Variants in JAK1 observed in about 807,000 individuals in gnomAD.
JAK1 encodes the protein Janus kinase 1.
A neutral mutation model predicts 136.6 loss-of-function variants in JAK1; 16 were observed. That is an observed-to-expected ratio of 0.12 (90% CI 0.08 to 0.18). The LOEUF (loss-of-function observed/expected upper bound fraction) is 0.18. Among genes scored for constraint, JAK1 ranks in the 10% least tolerant of loss-of-function variants. The pLI, the probability that JAK1 is intolerant of heterozygous loss-of-function variation, is 1.00. For missense variants in JAK1, 859 were observed against 1,450.1 expected (o/e 0.59, Z 6.62); for synonymous variants, 492 against 519.5 (o/e 0.95, Z 0.72).
At position 64,845,761 on chromosome 1, in the gene JAK1, G is replaced by GGGGGGTGCAATGGTGCA. The variant is rs1553159574; in HGVS notation, c.1988-138_1988-122dup. ...GGCCTCAGAGTACACAGATATCCTT[G>GGGGGGTGCAATGGTGCA]GGGGGTGCAATGGTGCAGGGGCTTC... On this transcript the variant is annotated intron_variant, in intron 14 of 24. Transcript: ENST00000342505. 7 of 1,220,704 alleles carry GGGGGGTGCAATGGTGCA rather than the reference G, an allele frequency of 5.7e-6. No homozygotes were observed. In the East Asian group the frequency reaches 7.0e-5, roughly 12 times the overall value. The allele number at this position is 1,220,704 out of a possible 1,614,324, so 75.6% of individuals were successfully genotyped here. A position where few individuals can be genotyped will look rare whatever the true frequency, so the allele number is the denominator to read the frequency against.
At chr1:64,838,987 T>C (rs972383039) in intron 20 of JAK1, among the ~76,000 whole-genome samples, 6 of 140,582 alleles carry the variant, frequency 4.3e-5, no homozygotes, top group South Asian at 2.3e-4. Context: ...CTACTAAAAA[T>C]ACAAAAAAAT....
At chr1:64,923,329 C>T (rs1265293315) in intron 1 of JAK1, among the ~76,000 whole-genome samples, 1 of 152,190 alleles carries the variant, frequency 6.6e-6, no homozygotes, top group Non-Finnish European at 1.5e-5. Flanking sequence ...AGTCTCACTA[C>T]CCCTTCATTA....
At chr1:64,963,505 T>C (rs572677373) in intron 1 of JAK1, among the ~76,000 whole-genome samples, 42 of 152,290 alleles carry the variant, frequency 2.8e-4, no homozygotes, top group African/African-American at 9.1e-4. Flanking sequence ...AAGAATTCGA[T>C]AATATCAAAC....
chr1:64,945,581 T>C (rs1645969616), intron 1 of JAK1, among the ~76,000 whole-genome samples: 1 of 152,086 alleles, frequency 6.6e-6, no homozygotes, highest in Admixed American at 6.5e-5. Flanking sequence ...TTACCTTATG[T>C]ACAATAAAAA....
chr1:64,964,921 G>C (rs556487446), intron 1 of JAK1, among the ~76,000 whole-genome samples: 4 of 152,124 alleles, frequency 2.6e-5, no homozygotes, highest in Admixed American at 2.0e-4. Flanking sequence ...AAGTACAAAA[G>C]AACACATTGA....
At chr1:64,864,763 T>TA in intron 8 of JAK1, 24 bp downstream of exon 8, 1 of 1,580,388 alleles carries the variant, frequency 6.3e-7, no homozygotes, top group Non-Finnish European at 8.7e-7. Context: ...GATCCAGACT[T>TA]AAGAGCTTCT....
chr1:64,950,661 C>T (rs1569692639), intron 1 of JAK1, among the ~76,000 whole-genome samples: 1 of 152,268 alleles, frequency 6.6e-6, no homozygotes, highest in East Asian at 1.9e-4. Flanking sequence ...CCTTCAGAAT[C>T]CCCACGGTAA....
At chr1:65,029,716 C>G (rs564921301) in intron 2 of JAK1, among the ~76,000 whole-genome samples, 1 of 152,102 alleles carries the variant, frequency 6.6e-6, no homozygotes, top group Admixed American at 6.5e-5. Context: ...GAACAGAAAA[C>G]TAGATACCAC....
At chr1:65,031,965 T>C (rs1253522787) in intron 2 of JAK1, among the ~76,000 whole-genome samples, 2 of 151,014 alleles carry the variant, frequency 1.3e-5, no homozygotes, top group East Asian at 1.9e-4. Flanking sequence ...CTTTTTCTTT[T>C]TTTTTTTTTT....
intron 1 of JAK1, among the ~76,000 whole-genome samples, chr1:64,915,762 T>A (rs1294988974): frequency 6.6e-6 from 1 of 152,150 alleles, no homozygotes; most frequent in African/African-American, 2.4e-5. Context: ...GAAACACATA[T>A]CTAGAGGTTT....
chr1:64,932,129 T>C (rs918445412), intron 1 of JAK1, among the ~76,000 whole-genome samples: 52 of 146,460 alleles, frequency 3.6e-4, no homozygotes, highest in African/African-American at 1.3e-3. Flanking sequence ...AAATAAGAAA[T>C]CTGGGCCAGG....
chr1:65,002,504 G>A (rs1646767871), intron 2 of JAK1: 1 of 152,226 alleles, frequency 6.6e-6, no homozygotes, highest in African/African-American at 2.4e-5. Flanking sequence ...GCTAATTATA[G>A]TATGTACATC....
chr1:64,861,079 G>A (rs1656304791), intron 8 of JAK1, among the ~76,000 whole-genome samples: 1 of 152,024 alleles, frequency 6.6e-6, no homozygotes, highest in Non-Finnish European at 1.5e-5. Context: ...CTGAATCAAG[G>A]TGGCAGAGGC....
intron 1 of JAK1, among the ~76,000 whole-genome samples, chr1:64,886,776 ACACACAC>A (rs1557664883): frequency 1.4e-5 from 2 of 147,572 alleles, no homozygotes; most frequent in African/African-American, 5.1e-5. Flanking sequence ...ACACACACAC[ACACACAC>A]ACACACACAG....
intron 1 of JAK1, among the ~76,000 whole-genome samples, chr1:64,907,899 C>A (rs1037254778): frequency 1.3e-5 from 2 of 152,190 alleles, no homozygotes; most frequent in South Asian, 4.1e-4. Flanking sequence ...AAACTGTATT[C>A]ATTAATTGAA....
rs116352660 is a variant in JAK1, at chr1:64,923,157, C to T, written c.-77-36816G>A. Among the ~76,000 whole-genome samples, 602 of 152,278 alleles carry T rather than the reference C, an allele frequency of 4.0e-3. 6 individuals are homozygous for T. The highest frequency in any genetic ancestry group is 0.012 in the African/African-American group (480 of 41,554). On this transcript the variant is annotated intron_variant, in intron 1 of 24. Transcript: ENST00000342505. ...CCCAATCCAACCTCCTCCTCCTCCACCACCTAGCTCCATCAATTGCAGCCT... is the reference window on the plus strand; with the variant it reads ...CCCAATCCAACCTCCTCCTCCTCCATCACCTAGCTCCATCAATTGCAGCCT...
chr1:64,901,879 T>C (rs1645110541), intron 1 of JAK1, among the ~76,000 whole-genome samples: 1 of 152,220 alleles, frequency 6.6e-6, no homozygotes, highest in Non-Finnish European at 1.5e-5. Context: ...ATATAATGTG[T>C]GTGTCTGGCT....
intron 3 of JAK1, among the ~76,000 whole-genome samples, chr1:64,881,488 C>T (rs1644771691): frequency 6.6e-6 from 1 of 151,882 alleles, no homozygotes; most frequent in South Asian, 2.1e-4. Context: ...AAACTTTACC[C>T]CACAGAGGTG....
chr1:64,989,997 G>A (rs11804549), intron 2 of JAK1: 1 of 152,192 alleles, frequency 6.6e-6, no homozygotes, highest in Admixed American at 6.6e-5. Flanking sequence ...TTGACATTCA[G>A]GTAAAATTCT....
Sources: allele counts gnomAD v4.1 joint callset (sites outside exome capture counted in the v4.1 genomes callset), GRCh38; gene constraint gnomAD v4.1.1; transcripts MANE v1.5; gene names NCBI Gene and HGNC (gene_info 2026-07-23, HGNC 2026-07-21).